Variants in MIA3 observed in about 807,000 individuals in gnomAD.
The protein encoded by MIA3 is transport and Golgi organization protein 1 homolog.
Under a neutral mutation model 192.4 loss-of-function variants are expected in MIA3, and 90 were observed. The ratio of observed to expected loss-of-function variants is 0.47; its 90% confidence interval spans 0.39 to 0.56. The LOEUF is 0.56. Ranked by LOEUF, MIA3 falls within the 20% of genes least tolerant of loss-of-function variation. MIA3 has a pLI of 0.00. For missense variants in MIA3, 2,123 were observed against 2,269.4 expected, an observed-to-expected ratio of 0.94 and a Z score of 1.31; for synonymous variants, 740 against 792.8, an observed-to-expected ratio of 0.93 and a Z score of 1.12.
At chr1:222,654,520 G>A (rs1663605409) in intron 17 of MIA3, 41 bp downstream of exon 17, 1 of 1,569,386 alleles carries the variant, frequency 6.4e-7, no homozygotes, top group South Asian at 1.1e-5. Flanking sequence ...ATATTGGAAA[G>A]ATACAAAATT....
At chr1:222,622,309 T>G (rs1661907787) in intron 2 of MIA3, among the ~76,000 whole-genome samples, 1 of 152,180 alleles carries the variant, frequency 6.6e-6, no homozygotes, top group Admixed American at 6.5e-5. Flanking sequence ...AGGCCTGTCT[T>G]ATGAGTTATT....
At position 222,654,451 on chromosome 1, in the gene MIA3, C is replaced by G; in HGVS notation, c.4440C>G (p.Ala1480=). 6.2e-7 allele frequency: 1 copy of G among 1,613,568 alleles called. No individual in the cohort carries two copies. The highest frequency in any genetic ancestry group is 1.1e-5 in the South Asian group (1 of 91,070). Residue 1480 remains alanine, a synonymous_variant, in exon 17 of 28, where the codon GCC becomes GCG. Coordinates refer to ENST00000344922, the MANE Select transcript of MIA3 (RefSeq NM_198551.4). ...AGCTTTTACAGCTTAAGCTAAGAGC[C>G]TCCGTGTCCACTAAATGTAACCTGG... is the stretch of plus-strand genomic sequence containing the variant. The part of the protein sequence containing the change: ...DLKLLQLKLR[A]SVSTKCNLED...
In MIA3 at chr1:222,666,254, G is replaced by A. The variant is rs549686357; in HGVS notation, c.*635G>A. 22 of 152,202 alleles carry A rather than the reference G, an allele frequency of 1.4e-4. No homozygotes were observed. The highest frequency in any genetic ancestry group is 2.6e-4 in the Non-Finnish European group (18 of 68,066). 9.4% of individuals were successfully genotyped at this position (152,202 alleles called of 1,614,324 possible). ...AGATGGTGGCTGGTGGCACACTTCC[G>A]GCTGCTCCTCCGTCACCTGTGAACT... On this transcript the variant is annotated 3_prime_UTR_variant, in exon 28 of 28. Coordinates refer to ENST00000344922, the MANE Select transcript of MIA3 (RefSeq NM_198551.4).
At chr1:222,647,837 T>C in intron 7 of MIA3, 1 of 333,964 alleles carries the variant, frequency 3.0e-6, no homozygotes, top group Non-Finnish European at 6.3e-6. Flanking sequence ...TTTCTTTCCA[T>C]GTTGGAATTT....
chr1:222,653,303 A>C lies in MIA3; in HGVS notation c.4285A>C (p.Asn1429His), dbSNP rs1297774039. 1 of 1,613,976 alleles carries C rather than the reference A, an allele frequency of 6.2e-7. No individual in the cohort carries two copies. The highest frequency in any genetic ancestry group is 8.5e-7 in the Non-Finnish European group (1 of 1,179,846). The stretch of plus-strand genomic sequence containing the variant: ...ATCTGAGGGTCAAAATAAAGGTGGA[A>C]ATGATTCAGATGAATTAGCAAATGG... ...SESEGQNKGG[N>H]DSDELANGEV... is the part of the protein sequence containing the mutation. Residue 1429 changes from asparagine to histidine, a missense_variant, in exon 15 of 28, where the codon AAT becomes CAT. Physicochemically the swap from Asn to His is moderately conservative, Grantham distance 68. This residue lies in a region of MIA3 where 762 missense variants were observed against 856.4 expected (regional missense o/e 0.89). Coordinates refer to ENST00000344922, the MANE Select transcript of MIA3 (RefSeq NM_198551.4).
chr1:222,629,368 C>T lies in MIA3; in HGVS notation c.2148C>T (p.Phe716=), dbSNP rs1558176484. Residue 716 remains phenylalanine, a synonymous_variant, in exon 4 of 28, where the codon TTC becomes TTT. Coordinates refer to ENST00000344922, the MANE Select transcript of MIA3 (RefSeq NM_198551.4). ...CTGACAGCACAGGAGGACCAGCTTTCCTTTCTAAAGTAGAAGAGGATGATT... is the reference window on the plus strand; with the variant it reads ...CTGACAGCACAGGAGGACCAGCTTTTCTTTCTAAAGTAGAAGAGGATGATT... ...DQTDSTGGPA[F]LSKVEEDDYP... 1 of 1,614,044 alleles carries T rather than the reference C, an allele frequency of 6.2e-7. No individual in the cohort carries two copies. Among genetic ancestry groups the T allele is most frequent in the Non-Finnish European group, 8.5e-7 (1 of 1,180,026 alleles).
intron 7 of MIA3, among the ~76,000 whole-genome samples, chr1:222,646,413 C>CAA (rs370502614): frequency 2.3e-5 from 2 of 85,368 alleles, no homozygotes; most frequent in East Asian, 3.3e-4. Context: ...GACTCCATCT[C>CAA]AAAAAAAAAA....
At chr1:222,643,546 G>A (rs1662960602) in intron 6 of MIA3, among the ~76,000 whole-genome samples, 1 of 152,058 alleles carries the variant, frequency 6.6e-6, no homozygotes, top group Non-Finnish European at 1.5e-5. Flanking sequence ...TCTAAAAATG[G>A]TATTTTTTAT....
At chr1:222,654,578 C>A in intron 17 of MIA3, 77 bp from the exon 18 acceptor site, 1 of 1,560,698 alleles carries the variant, frequency 6.4e-7, no homozygotes, top group Non-Finnish European at 8.8e-7. Flanking sequence ...CTTCTCATTT[C>A]TCTCAGCACC....
chr1:222,645,938 G>A (rs1375845883), intron 7 of MIA3: 3 of 338,596 alleles, frequency 8.9e-6, no homozygotes, highest in Non-Finnish European at 1.6e-5. Context: ...AATTAGGTGG[G>A]TCTGTATTTC....
Position 222,662,349 on chromosome 1 carries a change from T to A in MIA3, c.5262+17T>A. ...GAAGGCAAGGTAAATGCACCCATTT[T>A]GAATAATTAGTTATTTCAGGAACAT... On this transcript the variant is annotated intron_variant, in intron 26 of 27. Coordinates refer to ENST00000344922, the MANE Select transcript of MIA3 (RefSeq NM_198551.4). 1 of 1,609,214 alleles carries A rather than the reference T, an allele frequency of 6.2e-7. No homozygotes were observed. Among genetic ancestry groups the A allele is most frequent in the Non-Finnish European group, 8.5e-7 (1 of 1,175,520 alleles).
chr1:222,632,983 G>C, intron 5 of MIA3, 121 bp from the exon 6 acceptor site: 1 of 988,644 alleles, frequency 1.0e-6, no homozygotes, highest in Non-Finnish European at 1.5e-6. Context: ...CATCCAGTGA[G>C]AGATGAGAAC....
At chr1:222,633,817 C>G (rs768390194) in intron 6 of MIA3, among the ~76,000 whole-genome samples, 10 of 150,572 alleles carry the variant, frequency 6.6e-5, no homozygotes, top group African/African-American at 2.4e-4. Flanking sequence ...TTTGGGGAAG[C>G]CAGGGAAGCG....
Position 222,666,902 on chromosome 1 carries a change from A to G in MIA3, c.*1283A>G, listed in dbSNP as rs1664318136. On this transcript the variant is annotated 3_prime_UTR_variant, in exon 28 of 28. Coordinates refer to ENST00000344922, the MANE Select transcript of MIA3 (RefSeq NM_198551.4). ...AACTTCAGACATTTTAATTACAGTAATAATAGCACTCCTTTTAAGGAGTTT... is the reference window on the plus strand; with the variant it reads ...AACTTCAGACATTTTAATTACAGTAGTAATAGCACTCCTTTTAAGGAGTTT... 1 of 152,168 alleles carries G rather than the reference A, an allele frequency of 6.6e-6. No individual in the cohort carries two copies. The highest frequency in any genetic ancestry group is 1.9e-4 in the East Asian group (1 of 5,204). The allele number at this position is 152,168 out of a possible 1,614,324, so 9.4% of individuals were successfully genotyped here. A position where few individuals can be genotyped will look rare whatever the true frequency, so the allele number is the denominator to read the frequency against.
intron 18 of MIA3, among the ~76,000 whole-genome samples, chr1:222,658,474 G>C (rs1558195811): frequency 6.6e-6 from 1 of 152,160 alleles, no homozygotes; most frequent in Non-Finnish European, 1.5e-5. Flanking sequence ...TTGACACATA[G>C]TGTTTTTTCA....
At position 222,628,607 on chromosome 1, in the gene MIA3, C is replaced by G. The variant is rs1266141495; in HGVS notation, c.1387C>G (p.His463Asp). The change falls in exon 4 of 28, where the codon CAC (histidine) becomes GAC (aspartate). Residue 463 changes from histidine (H) to aspartate (D), a missense_variant. By Grantham distance (81) the His-to-Asp change is moderately conservative. Around this residue, in one of 3 missense-constraint regions of MIA3, gnomAD observed 1,357 missense variants for 1,396.1 expected, o/e 0.97. Transcript: ENST00000344922. ...TGACAAAGAAGTAAACGCAGAACATCACATTAAAGGAAAAGGGAGGGGAGT... is the reference window on the plus strand; with the variant it reads ...TGACAAAGAAGTAAACGCAGAACATGACATTAAAGGAAAAGGGAGGGGAGT... ...NNDKEVNAEH[H>D]IKGKGRGVQE... The G allele has an allele frequency of 6.2e-7, 1 of 1,613,952 alleles. No individual in the cohort carries two copies. The highest frequency in any genetic ancestry group is 8.5e-7 in the Non-Finnish European group (1 of 1,179,948).
chr1:222,650,775 T>A lies in MIA3; in HGVS notation c.3799-18T>A. On this transcript the variant is annotated intron_variant, in intron 10 of 27. Transcript: ENST00000344922. The stretch of plus-strand genomic sequence containing the variant: ...GTAAAAGTAATGAGTATAACTAACC[T>A]TAATATCTTTTTTGTAGGATAAAAT... 6.3e-7 allele frequency: 1 copy of A among 1,581,888 alleles called. No homozygotes were observed. The highest frequency in any genetic ancestry group is 8.6e-7 in the Non-Finnish European group (1 of 1,157,098).
At chr1:222,655,009 G>A (rs919126785) in intron 18 of MIA3, among the ~76,000 whole-genome samples, 6 of 152,136 alleles carry the variant, frequency 3.9e-5, no homozygotes, top group African/African-American at 1.4e-4. Context: ...ACTCACTTAA[G>A]GGGGAGCAGT....
At chr1:222,626,300 G>C (rs1395123653) in intron 3 of MIA3, among the ~76,000 whole-genome samples, 1 of 152,114 alleles carries the variant, frequency 6.6e-6, no homozygotes, top group African/African-American at 2.4e-5. Flanking sequence ...CTGATGAAGA[G>C]ACTGCCCGGG....
Sources: allele counts gnomAD v4.1 joint callset (sites outside exome capture counted in the v4.1 genomes callset), GRCh38; gene constraint gnomAD v4.1.1; regional missense constraint gnomAD v4.1.1; transcripts MANE v1.5; gene names NCBI Gene and HGNC (gene_info 2026-07-23, HGNC 2026-07-21).